The following REPS2 variants were observed in gnomAD, a reference collection of about 807,000 sequenced individuals.
REPS2 encodes ralBP1-associated Eps domain-containing protein 2.
REPS2 carries 23 observed loss-of-function variants against 53.6 expected under a neutral mutation model. The ratio of observed to expected loss-of-function variants is 0.43; its 90% CI spans 0.31 to 0.61. The LOEUF is 0.61. REPS2 is among the 20% of genes least tolerant of loss of function. The pLI is 0.11. For missense variants in REPS2, 446 were observed against 534.9 expected, an observed-to-expected ratio of 0.83 and a Z score of 1.64; for synonymous variants, 238 against 218.6, an observed-to-expected ratio of 1.09 and a Z score of -0.78.
chrX:17,131,151 G>C (rs779344850), intron 14 of REPS2, among the ~76,000 whole-genome samples: 2 of 111,388 alleles, frequency 1.8e-5, no homozygotes, highest in African/African-American at 3.3e-5. Flanking sequence ...AGAATGAACA[G>C]GGAGGGAAAA....
chrX:17,130,569 G>A (rs2063278784), intron 14 of REPS2, among the ~76,000 whole-genome samples: 1 of 111,913 alleles, frequency 8.9e-6, no homozygotes, highest in East Asian at 2.8e-4. Context: ...GTCCACTGAA[G>A]CAAGTTGGCT....
intron 14 of REPS2, among the ~76,000 whole-genome samples, chrX:17,115,982 C>T (rs1285369262): frequency 3.6e-5 from 4 of 111,217 alleles, no homozygotes; most frequent in South Asian, 3.9e-4. Flanking sequence ...CCCACACTTT[C>T]AGTGTTCTGT....
intron 10 of REPS2, among the ~76,000 whole-genome samples, chrX:17,069,725 T>C (rs780501175): frequency 2.7e-5 from 3 of 111,664 alleles, no homozygotes; most frequent in Non-Finnish European, 5.6e-5. Flanking sequence ...ATCTTTGCTC[T>C]TTGTAGAAGG....
the REPS2 span, among the ~76,000 whole-genome samples, chrX:17,159,667 A>G: frequency 1.2e-3 from 135 of 111,625 alleles, 2 homozygotes; most frequent in East Asian, 0.031. Flanking sequence ...CACATCACTT[A>G]AAACAGTGCC....
At chrX:16,968,530 C>G (rs1454588292) in intron 1 of REPS2, among the ~76,000 whole-genome samples, 2 of 96,709 alleles carry the variant, frequency 2.1e-5, no homozygotes, top group South Asian at 5.2e-4. Flanking sequence ...CTGACCCCCC[C>G]ACCTCCCTCC....
Position 17,138,896 on chromosome X carries a change from C to T in REPS2, c.1849C>T (p.Arg617Cys). The T allele has an allele frequency of 8.3e-7, 1 of 1,205,726 alleles. No homozygotes were observed. Among genetic ancestry groups the T allele is most frequent in the Non-Finnish European group, 1.1e-6 (1 of 892,867 alleles). ...GAAGAAGGCCATTCAAACTGCTATC[C>T]GCAAAAATAAAGAGGCAAACGCAGT... Reference protein sequence around the residue: ...KQKKAIQTAIRKNKEANAVLA... With the variant: ...KQKKAIQTAICKNKEANAVLA... Residue 617 changes from arginine (R) to cysteine (C), a missense_variant, in exon 17 of 18, where the codon CGC (arginine) becomes TGC (cysteine). Arg to Cys is a radical substitution (Grantham distance 180). Coordinates refer to ENST00000357277, the MANE Select transcript of REPS2 (RefSeq NM_004726.3).
chrX:17,086,337 G>T (rs2062535614), intron 13 of REPS2, among the ~76,000 whole-genome samples: 1 of 112,050 alleles, frequency 8.9e-6, no homozygotes, highest in Non-Finnish European at 1.9e-5. Context: ...TTGATTAATG[G>T]GTTTACGTAG....
At position 17,054,610 on chromosome X, in the gene REPS2, T is replaced by C. The variant is rs1446500094; in HGVS notation, c.972-198T>C. 2.7e-5 allele frequency among the ~76,000 whole-genome samples: 3 copies of C among 112,289 alleles called. No individual in the cohort carries two copies. In the East Asian group the frequency reaches 8.4e-4, roughly 31 times the overall value. On this transcript the variant is annotated intron_variant, in intron 7 of 17. Transcript: ENST00000357277. ...ATTTAAATTTTTATTTATAAAATGCTACTGATGCTGATCCCATCAATCGGC... is the reference window on the plus strand; with the variant it reads ...ATTTAAATTTTTATTTATAAAATGCCACTGATGCTGATCCCATCAATCGGC...
At chrX:16,992,393 T>TTG (rs2061174797) in intron 1 of REPS2, among the ~76,000 whole-genome samples, 2 of 112,109 alleles carry the variant, frequency 1.8e-5, no homozygotes. Flanking sequence ...AGGTATTTTG[T>TTG]TGTAGCAGCC....
At chrX:17,066,706 T>C (rs2062230095) in intron 9 of REPS2, among the ~76,000 whole-genome samples, 1 of 112,109 alleles carries the variant, frequency 8.9e-6, no homozygotes, top group Admixed American at 9.5e-5. Context: ...ACCCTGTCTT[T>C]GTTAAAAATA....
chrX:17,050,194 C>CTTTCTTTT (rs1223989029), intron 6 of REPS2, among the ~76,000 whole-genome samples: 14 of 51,794 alleles, frequency 2.7e-4, no homozygotes, highest in African/African-American at 1.3e-3. Context: ...TTCTTTCTTT[C>CTTTCTTTT]TTTTTTTTTT....
intron 5 of REPS2, among the ~76,000 whole-genome samples, chrX:17,033,778 C>A (rs750239591): frequency 6.2e-5 from 7 of 112,351 alleles, no homozygotes; most frequent in Non-Finnish European, 1.3e-4. Flanking sequence ...ATCTAATCAT[C>A]CTGCTGACTT....
chrX:17,134,617 TTTTTTG>T (rs1490842506), intron 15 of REPS2, among the ~76,000 whole-genome samples: 1 of 111,563 alleles, frequency 9.0e-6, no homozygotes, highest in East Asian at 2.8e-4. Flanking sequence ...GCTTAGGTTT[TTTTTTG>T]TTTTTGTTTT....
chrX:17,193,412 T>A, the REPS2 span, among the ~76,000 whole-genome samples: 172 of 111,223 alleles, frequency 1.5e-3, no homozygotes, highest in African/African-American at 4.6e-3. Context: ...GGAATGGGAG[T>A]GGCAATGGCA....
chrX:16,963,725 C>T (rs949960958), intron 1 of REPS2, among the ~76,000 whole-genome samples: 2 of 111,540 alleles, frequency 1.8e-5, no homozygotes, highest in African/African-American at 6.5e-5. Flanking sequence ...CACAAGGTTG[C>T]GCTGGGGGGG....
chrX:16,981,823 C>T (rs1472568799), intron 1 of REPS2, among the ~76,000 whole-genome samples: 1 of 112,398 alleles, frequency 8.9e-6, no homozygotes, highest in South Asian at 3.6e-4. Context: ...ACAAGTCACA[C>T]ACCATATAAG....
At chrX:17,107,147 A>T (rs111238437) in intron 14 of REPS2, among the ~76,000 whole-genome samples, 2,794 of 112,354 alleles carry the variant, frequency 0.025, 93 homozygotes, top group African/African-American at 0.087. Context: ...TCAAGGTTGA[A>T]TATTCAAGTG....
chrX:17,135,983 A>G (rs948807729), intron 16 of REPS2: 7 of 112,340 alleles, frequency 6.2e-5, no homozygotes, highest in Admixed American at 4.7e-4. Flanking sequence ...ATGGCCAGGG[A>G]CTGAGACAAT....
intron 13 of REPS2, among the ~76,000 whole-genome samples, chrX:17,079,655 C>G (rs6527770): frequency 2.4e-3 from 264 of 112,002 alleles, no homozygotes; most frequent in African/African-American, 7.0e-3. Flanking sequence ...CCTGATAAAT[C>G]TAAGATTTAG....
Sources: gnomAD v4.1 joint callset for allele counts (sites outside exome capture counted in the v4.1 genomes callset) on GRCh38, gnomAD v4.1.1 for gene constraint, MANE v1.5 for transcripts, NCBI Gene and HGNC (gene_info 2026-07-23, HGNC 2026-07-21) for gene names.